The following ADAM18 variants were observed in gnomAD, a reference collection of about 807,000 sequenced individuals.
ADAM18 encodes ADAM metallopeptidase domain 18, also known as disintegrin and metalloproteinase domain-containing protein 18.
A neutral mutation model predicts 94.4 loss-of-function variants in ADAM18; 117 were observed. The observed-to-expected ratio is 1.24, with a 90% CI of 1.07 to 1.45. ADAM18 has a LOEUF of 1.45. ADAM18 is among the 40% of genes most tolerant of loss of function. ADAM18 has a pLI of 0.00. For synonymous variants in ADAM18, 327 were observed against 291.6 expected, an observed-to-expected ratio of 1.12 and a Z score of -1.24; for missense variants, 936 against 880.0, an observed-to-expected ratio of 1.06 and a Z score of -0.81.
At chr8:39,677,839 A>G (rs1156677954) in intron 15 of ADAM18, among the ~76,000 whole-genome samples, 1 of 152,198 alleles carries the variant, frequency 6.6e-6, no homozygotes, top group East Asian at 1.9e-4. Flanking sequence ...TATTAAGTCT[A>G]TAAATAGCAA....
chr8:39,698,230 TGAC>T (rs1487360665), intron 17 of ADAM18, among the ~76,000 whole-genome samples: 2 of 152,026 alleles, frequency 1.3e-5, no homozygotes, highest in Non-Finnish European at 1.5e-5. Context: ...ATTGTGTTCC[TGAC>T]TTACTCATAT....
At chr8:39,631,346 G>T (rs1338723076) in intron 7 of ADAM18, among the ~76,000 whole-genome samples, 1 of 151,430 alleles carries the variant, frequency 6.6e-6, no homozygotes, top group African/African-American at 2.4e-5. Flanking sequence ...TAAGTTTTAT[G>T]GTATATTTTT....
rs369258037 is a variant in ADAM18, at chr8:39,585,317, A to G, written c.97A>G (p.Ile33Val). The change falls in exon 2 of 20, where the codon ATT becomes GTT. Residue 33 changes from isoleucine (I) to valine (V), a missense_variant. Transcript: ENST00000265707. ...IFLHVTVPRK[I>V]KSNDSEVSER... ...TCTGCATGTCACAGTTCCACGGAAG[A>G]TTAAGTCAAATGACAGTGAAGTTTC... is the stretch of plus-strand genomic sequence containing the variant. 24 of 1,613,538 alleles carry G rather than the reference A, an allele frequency of 1.5e-5. No homozygotes were observed. The highest frequency in any genetic ancestry group is 2.7e-5 in the African/African-American group (2 of 74,928).
At chr8:39,724,812 A>G (rs1563322517) in intron 19 of ADAM18, among the ~76,000 whole-genome samples, 1 of 151,966 alleles carries the variant, frequency 6.6e-6, no homozygotes, top group Non-Finnish European at 1.5e-5. Flanking sequence ...CCTTGGACTC[A>G]TACATTAGTT....
chr8:39,645,437 T>C lies in ADAM18; in HGVS notation c.1009T>C (p.Cys337Arg), dbSNP rs1165384282. ...LTYDDITQCF[C>R]LRATCIMNHE... ...ATATGATGACATCACTCAGTGTTTCTGTCTGAGAGCTACATGCATCATGAA... is the reference window on the plus strand; with the variant it reads ...ATATGATGACATCACTCAGTGTTTCCGTCTGAGAGCTACATGCATCATGAA... The change falls in exon 11 of 20, where the codon TGT (cysteine) becomes CGT (arginine). Residue 337 changes from cysteine (C) to arginine (R), a missense_variant. Coordinates refer to ENST00000265707, the MANE Select transcript of ADAM18 (RefSeq NM_014237.3). The C allele has an allele frequency of 6.2e-7, 1 of 1,612,366 alleles. No individual in the cohort carries two copies. The highest frequency in any genetic ancestry group is 8.5e-7 in the Non-Finnish European group (1 of 1,179,254).
Position 39,654,188 on chromosome 8 carries a change from C to T in ADAM18, c.1230+5661C>T, listed in dbSNP as rs113410853. On this transcript the variant is annotated intron_variant, in intron 12 of 19. Coordinates refer to ENST00000265707, the MANE Select transcript of ADAM18 (RefSeq NM_014237.3). ...TTTTTTTTTTTTGGAGACAGAGTCT[C>T]GCTGAGTCACCAGGGCTGGAGTGCA... Among the ~76,000 whole-genome samples, 202 of 133,282 alleles carry T rather than the reference C, an allele frequency of 1.5e-3. 4 individuals are homozygous for T. The highest frequency in any genetic ancestry group is 5.9e-3 in the African/African-American group (187 of 31,622). The allele number at this position is 133,282 out of a possible 152,430, so 87.4% of individuals were successfully genotyped here.
At chr8:39,669,002 ATCACAAGTCAGT>A (rs1821073234) in intron 14 of ADAM18, among the ~76,000 whole-genome samples, 1 of 152,084 alleles carries the variant, frequency 6.6e-6, no homozygotes, top group Non-Finnish European at 1.5e-5. Context: ...GATTTCTTAA[ATCACAAGTCAGT>A]TCTATTTTCT....
Position 39,637,355 on chromosome 8 carries a change from C to G in ADAM18, c.660+20C>G, listed in dbSNP as rs1401714247. The G allele has an allele frequency of 6.3e-7, 1 of 1,579,918 alleles. No homozygotes were observed. Among genetic ancestry groups the G allele is most frequent in the South Asian group, 1.2e-5 (1 of 84,866 alleles). On this transcript the variant is annotated intron_variant, in intron 8 of 19. Coordinates refer to ENST00000265707, the MANE Select transcript of ADAM18 (RefSeq NM_014237.3). ...AACACTGTAAGTTTTTACTTTTTCA[C>G]ATTTCCATTTTCATGAAAGTTTCTT...
intron 10 of ADAM18, among the ~76,000 whole-genome samples, chr8:39,643,398 C>G (rs1026820963): frequency 1.3e-5 from 2 of 152,086 alleles, no homozygotes; most frequent in Non-Finnish European, 2.9e-5. Flanking sequence ...CTGATGACAA[C>G]TTTGCTGTAA....
chr8:39,598,460 C>A (rs915652172), intron 2 of ADAM18, among the ~76,000 whole-genome samples: 1 of 151,784 alleles, frequency 6.6e-6, no homozygotes, highest in African/African-American at 2.4e-5. Flanking sequence ...TTATCGCCAT[C>A]GTTATTATTA....
At chr8:39,655,785 G>A (rs374161850) in intron 12 of ADAM18, among the ~76,000 whole-genome samples, 17 of 151,612 alleles carry the variant, frequency 1.1e-4, no homozygotes, top group South Asian at 4.1e-4. Context: ...TGAATTTATC[G>A]AGGTCACTTG....
intron 6 of ADAM18, among the ~76,000 whole-genome samples, chr8:39,614,730 T>G (rs948878971): frequency 2.0e-5 from 3 of 152,210 alleles, no homozygotes; most frequent in Admixed American, 2.0e-4. Flanking sequence ...TCACATTCAG[T>G]GACACCCATA....
intron 6 of ADAM18, 113 bp from the exon 7 acceptor site, chr8:39,629,261 A>G: frequency 1.4e-6 from 1 of 700,706 alleles, no homozygotes; most frequent in Non-Finnish European, 2.4e-6. Flanking sequence ...TTTTATACTT[A>G]AGTCCTCATG....
At chr8:39,610,785 A>G in intron 6 of ADAM18, 79 bp downstream of exon 6, 1 of 1,498,998 alleles carries the variant, frequency 6.7e-7, no homozygotes, top group Non-Finnish European at 8.9e-7. Context: ...AAAGGAATTT[A>G]GTTAGCTGTT....
intron 13 of ADAM18, among the ~76,000 whole-genome samples, chr8:39,665,848 C>T (rs1369055334): frequency 6.6e-6 from 1 of 151,756 alleles, no homozygotes; most frequent in African/African-American, 2.4e-5. Context: ...ACTATTTTTG[C>T]TGTATAGTCT....
chr8:39,627,380 C>T (rs1303796094), intron 6 of ADAM18, among the ~76,000 whole-genome samples: 1 of 152,044 alleles, frequency 6.6e-6, no homozygotes, highest in Non-Finnish European at 1.5e-5. Context: ...GGGGAAACTG[C>T]CCCCATGATT....
intron 16 of ADAM18, among the ~76,000 whole-genome samples, chr8:39,683,625 A>G (rs1398162470): frequency 6.6e-6 from 1 of 152,206 alleles, no homozygotes; most frequent in Non-Finnish European, 1.5e-5. Context: ...TTATATGTGC[A>G]TAGTGATATT....
intron 16 of ADAM18, among the ~76,000 whole-genome samples, chr8:39,682,969 T>G (rs1184151254): frequency 1.3e-5 from 2 of 152,240 alleles, no homozygotes; most frequent in African/African-American, 4.8e-5. Context: ...TATCTTCTTC[T>G]GTTCACTCCC....
At chr8:39,708,345 C>T (rs1032295912) in intron 18 of ADAM18, among the ~76,000 whole-genome samples, 2 of 152,062 alleles carry the variant, frequency 1.3e-5, no homozygotes, top group African/African-American at 2.4e-5. Flanking sequence ...AAATGTCATT[C>T]AACAAAATTT....
Sources: allele counts gnomAD v4.1 joint callset (sites outside exome capture counted in the v4.1 genomes callset), GRCh38; gene constraint gnomAD v4.1.1; transcripts MANE v1.5; gene names NCBI Gene and HGNC (gene_info 2026-07-23, HGNC 2026-07-21).